CDKN2B-AS1: variants seen among roughly 807,000 people sequenced by gnomAD.
The protein encoded by CDKN2B-AS1 is CDKN2B and CDKN2A antisense cis and trans regulatory RNA 1.
chr9:22,106,145 T>A (rs2131361929), intron 4 of CDKN2B-AS1, among the ~76,000 whole-genome samples: 1 of 152,226 alleles, frequency 6.6e-6, no homozygotes, highest in Admixed American at 6.5e-5. Context: ...TGCAGTGGCA[T>A]GAACTCGGCT....
chr9:22,070,562 A>C (rs1824247154), intron 4 of CDKN2B-AS1, among the ~76,000 whole-genome samples: 1 of 152,146 alleles, frequency 6.6e-6, no homozygotes, highest in Non-Finnish European at 1.5e-5. Flanking sequence ...AGCATTTTAC[A>C]AAGAGACAAG....
chr9:22,037,440 A>C (rs538794854), intron 1 of CDKN2B-AS1, among the ~76,000 whole-genome samples: 1 of 151,620 alleles, frequency 6.6e-6, no homozygotes, highest in African/African-American at 2.4e-5. Context: ...CGTAATCTAC[A>C]TCGGCTTCTA....
In CDKN2B-AS1 at chr9:21,995,366, C is replaced by T. The variant is rs1402762339; in HGVS notation, n.29+205C>T. On this transcript the variant is annotated intron_variant and non_coding_transcript_variant, in intron 1 of 4. Coordinates refer to ENST00000650946, the Ensembl canonical transcript of CDKN2B-AS1. This position sits in a 1 kb window ranked among gnomAD's most constrained non-coding sequence, Gnocchi z 5.7. ...TTCCTCTTCCCCCGCGCTCCCCTCCCCTGCTGGCCGCTCCCCTCCTGTCGC... is the reference window on the plus strand; with the variant it reads ...TTCCTCTTCCCCCGCGCTCCCCTCCTCTGCTGGCCGCTCCCCTCCTGTCGC... The T allele has an allele frequency of 6.5e-6, 1 of 152,724 alleles. No homozygotes were observed. The highest frequency in any genetic ancestry group is 2.4e-5 in the African/African-American group (1 of 41,462). The allele number at this position is 152,724 out of a possible 1,614,324, so 9.5% of individuals were successfully genotyped here.
chr9:22,038,330 C>A (rs992666057), intron 1 of CDKN2B-AS1, among the ~76,000 whole-genome samples: 1 of 151,532 alleles, frequency 6.6e-6, no homozygotes, highest in South Asian at 2.1e-4. Flanking sequence ...TAGTATAATT[C>A]ATTAATTTAT....
intron 4 of CDKN2B-AS1, among the ~76,000 whole-genome samples, chr9:22,072,031 A>G (rs1016033813): frequency 4.6e-5 from 7 of 152,216 alleles, no homozygotes; most frequent in African/African-American, 1.4e-4. Flanking sequence ...AAGAAGGGAC[A>G]GGGGAAAGTC....
chr9:22,103,124 A>G (rs1381114928), intron 4 of CDKN2B-AS1, among the ~76,000 whole-genome samples: 2 of 132,228 alleles, frequency 1.5e-5, no homozygotes, highest in Admixed American at 8.3e-5. Flanking sequence ...TTTTCATTCT[A>G]GAACAGATGT....
At chr9:22,126,728 G>A (rs979273777) in intron 4 of CDKN2B-AS1, among the ~76,000 whole-genome samples, 4 of 151,718 alleles carry the variant, frequency 2.6e-5, no homozygotes, top group South Asian at 2.1e-4. Flanking sequence ...GCCCGCCACT[G>A]CACCCGGCTA....
intron 1 of CDKN2B-AS1, chr9:22,003,486 C>G: frequency 4.4e-6 from 1 of 228,470 alleles, no homozygotes; most frequent in African/African-American, 2.2e-5. Flanking sequence ...CAAATTTAAA[C>G]ATCTTGGAAT....
chr9:22,001,486 C>A lies in CDKN2B-AS1; in HGVS notation n.29+6325C>A, dbSNP rs1820916923. On this transcript the variant is annotated intron_variant and non_coding_transcript_variant, in intron 1 of 4. Transcript: ENST00000650946. This position sits in a 1 kb window ranked among gnomAD's most constrained non-coding sequence, Gnocchi z 4.2. ...TCTTTTGTTTTACATTTAGTTCACA[C>A]CACAAATTAGTAAGTCAGGCTTGGT... 6.6e-6 allele frequency among the ~76,000 whole-genome samples: 1 copy of A among 152,138 alleles called. No homozygotes were observed.
At chr9:22,052,886 C>G (rs1250014512) in intron 3 of CDKN2B-AS1, among the ~76,000 whole-genome samples, 1 of 152,218 alleles carries the variant, frequency 6.6e-6, no homozygotes, top group South Asian at 2.1e-4. Context: ...GTCATTTTTT[C>G]TCATCCTGCC....
intron 4 of CDKN2B-AS1, among the ~76,000 whole-genome samples, chr9:22,062,254 G>T (rs1823852550): frequency 6.6e-6 from 1 of 152,186 alleles, no homozygotes; most frequent in Non-Finnish European, 1.5e-5. Flanking sequence ...TTAGCATGAT[G>T]AATGAATTTA....
chr9:21,999,485 T>C lies in CDKN2B-AS1; in HGVS notation n.29+4324T>C, dbSNP rs1431934919. 6.6e-6 allele frequency among the ~76,000 whole-genome samples: 1 copy of C among 151,946 alleles called. No homozygotes were observed. Among genetic ancestry groups the C allele is most frequent in the East Asian group, 1.9e-4 (1 of 5,186 alleles). The stretch of plus-strand genomic sequence containing the variant: ...GTAAGTATGGGAAGATGTATACACA[T>C]GTACACATATATATACATACATATG... On this transcript the variant is annotated intron_variant and non_coding_transcript_variant, in intron 1 of 4. Transcript: ENST00000650946. This position sits in a 1 kb window ranked among gnomAD's most constrained non-coding sequence, Gnocchi z 4.7.
At chr9:22,056,247 T>TTTTTTTTTTTTTTTTTTTTTTTC (rs397743274) in intron 3 of CDKN2B-AS1, 2 of 132,690 alleles carry the variant, frequency 1.5e-5, no homozygotes, top group Non-Finnish European at 3.3e-5. Flanking sequence ...TTTTTTTTTT[T>TTTTTTTTTTTTTTTTTTTTTTTC]CCAGTAGAGA....
chr9:22,008,803 T>C (rs774336535), intron 1 of CDKN2B-AS1: 1 of 1,605,178 alleles, frequency 6.2e-7, no homozygotes, highest in Non-Finnish European at 8.5e-7. Flanking sequence ...GCTACCTGGA[T>C]CGCGCGCCTC....
intron 4 of CDKN2B-AS1, among the ~76,000 whole-genome samples, chr9:22,075,231 C>T (rs539250560): frequency 6.6e-6 from 1 of 152,188 alleles, no homozygotes; most frequent in East Asian, 1.9e-4. Flanking sequence ...CTGCCTATCC[C>T]CAGGCCAGTT....
chr9:22,089,986 C>G (rs1468678814), intron 4 of CDKN2B-AS1, among the ~76,000 whole-genome samples: 1 of 115,928 alleles, frequency 8.6e-6, no homozygotes, highest in African/African-American at 3.3e-5. Context: ...CCTCCCCCCA[C>G]CCCACAACAG....
intron 1 of CDKN2B-AS1, among the ~76,000 whole-genome samples, chr9:22,029,081 G>T (rs679038): frequency 6.6e-6 from 1 of 151,884 alleles, no homozygotes; most frequent in Non-Finnish European, 1.5e-5. Context: ...CCAAGGGACG[G>T]TGGTGAAAGT....
intron 4 of CDKN2B-AS1, among the ~76,000 whole-genome samples, chr9:22,077,471 T>G (rs1457114945): frequency 6.6e-6 from 1 of 152,194 alleles, no homozygotes; most frequent in African/African-American, 2.4e-5. Flanking sequence ...CTTAAAGTTT[T>G]CCAATAACTG....
At chr9:22,115,359 A>T (rs189526294) in intron 4 of CDKN2B-AS1, among the ~76,000 whole-genome samples, 2 of 152,154 alleles carry the variant, frequency 1.3e-5, no homozygotes, top group Admixed American at 1.3e-4. Flanking sequence ...GCCAGGACGC[A>T]TGCATAAACT....
Sources: gnomAD v4.1 joint callset for allele counts (sites outside exome capture counted in the v4.1 genomes callset) on GRCh38, gnomAD v4.1.1 for gene constraint, Gnocchi (gnomAD v3.1) non-coding constraint, MANE v1.5 for transcripts, NCBI Gene and HGNC (gene_info 2026-07-23, HGNC 2026-07-21) for gene names.